NDUFV3: variants seen among roughly 807,000 people sequenced by gnomAD.
NDUFV3 encodes NADH dehydrogenase [ubiquinone] flavoprotein 3, mitochondrial.
NDUFV3 carries 44 observed loss-of-function variants against 37.5 expected under a neutral mutation model. That is an observed-to-expected ratio of 1.17 (90% confidence interval 0.92 to 1.51). The LOEUF (loss-of-function observed/expected upper bound fraction) is 1.51, where lower values mean the gene tolerates loss of function less well. Among genes scored for constraint, NDUFV3 ranks in the 40% most tolerant of loss-of-function variants. The pLI is 0.00. For missense variants in NDUFV3, 580 were observed against 580.4 expected (o/e 1.00, Z 0.01); for synonymous variants, 235 against 239.3 (o/e 0.98, Z 0.17).
intron 2 of NDUFV3, among the ~76,000 whole-genome samples, chr21:42,901,739 A>G (rs1031567374): frequency 1.3e-5 from 2 of 152,148 alleles, no homozygotes; most frequent in Non-Finnish European, 2.9e-5. Context: ...TGCTATCCCC[A>G]TGTCATAGAC....
intron 1 of NDUFV3, among the ~76,000 whole-genome samples, chr21:42,896,258 G>A (rs550081609): frequency 1.4e-5 from 2 of 147,066 alleles, no homozygotes; most frequent in South Asian, 2.1e-4. Flanking sequence ...CTGGGTCCAC[G>A]CCATTCTCCT....
Position 42,903,733 on chromosome 21 carries a change from G to C in NDUFV3, c.721G>C (p.Glu241Gln). Residue 241 changes from glutamate to glutamine, a missense_variant, in exon 3 of 4, where the codon GAA becomes CAA. Transcript: ENST00000354250. ...GSPAKPSEGRENARPKTTMPR... is the reference protein window; with the variant it reads ...GSPAKPSEGRQNARPKTTMPR... ...CCCTGCTAAGCCATCAGAAGGCAGG[G>C]AAAATGCGAGACCAAAAACCACAAT... The C allele has an allele frequency of 1.2e-6, 2 of 1,614,172 alleles. No individual in the cohort carries two copies. The highest frequency in any genetic ancestry group is 1.7e-6 in the Non-Finnish European group (2 of 1,180,038).
chr21:42,906,348 C>T (rs944512661), intron 3 of NDUFV3, among the ~76,000 whole-genome samples: 2 of 152,270 alleles, frequency 1.3e-5, no homozygotes, highest in African/African-American at 4.8e-5. Flanking sequence ...TCTGTACCGC[C>T]GCCCCTTGCC....
rs992103701 is a variant in NDUFV3, at chr21:42,912,349, A to G, written c.*3328A>G. On this transcript the variant is annotated 3_prime_UTR_variant, in exon 4 of 4. Coordinates refer to ENST00000354250, the MANE Select transcript of NDUFV3 (RefSeq NM_021075.4). ...AAGGGCTTAAAACCGAATAGCCAGC[A>G]CCAAGCACAGCTCTGCATTTTGTAG... The G allele has an allele frequency of 6.6e-6, 1 of 152,256 alleles. No homozygotes were observed. The highest frequency in any genetic ancestry group is 1.5e-5 in the Non-Finnish European group (1 of 68,072). 9.4% of individuals were successfully genotyped at this position (152,256 alleles called of 1,614,324 possible).
rs941705462 is a variant in NDUFV3 at position 42,893,746 on chromosome 21, G to T, written c.48+365G>T. 1.4e-4 allele frequency among the ~76,000 whole-genome samples: 22 copies of T among 152,236 alleles called. 3 individuals carry two copies. Among genetic ancestry groups the T allele is most frequent in the Admixed American group, 1.4e-3 (21 of 15,286 alleles). ...TGGGGTCAGCCGCTGTGCGGCTCCCGCACGGCTTCTCTGAAGGACAGTGAC... is the reference window on the plus strand; with the variant it reads ...TGGGGTCAGCCGCTGTGCGGCTCCCTCACGGCTTCTCTGAAGGACAGTGAC... On this transcript the variant is annotated intron_variant, in intron 1 of 3. Transcript: ENST00000354250.
At chr21:42,904,516 G>A (rs1350009117) in intron 3 of NDUFV3, among the ~76,000 whole-genome samples, 1 of 138,672 alleles carries the variant, frequency 7.2e-6, no homozygotes, top group Non-Finnish European at 1.5e-5. Flanking sequence ...TTTTGAGATG[G>A]TGTCTTGCTC....
intron 2 of NDUFV3, among the ~76,000 whole-genome samples, 180 bp downstream of exon 2, chr21:42,897,227 C>A (rs577467678): frequency 6.6e-6 from 1 of 152,198 alleles, no homozygotes; most frequent in Non-Finnish European, 1.5e-5. Flanking sequence ...ACATTTCAGT[C>A]ATGTCGTAGT....
At chr21:42,901,854 G>T (rs1229697317) in intron 2 of NDUFV3, among the ~76,000 whole-genome samples, 5 of 152,222 alleles carry the variant, frequency 3.3e-5, no homozygotes, top group African/African-American at 1.2e-4. Flanking sequence ...TGGCAGTGCG[G>T]TTTATATTTT....
At chr21:42,897,438 TTG>T (rs1467276694) in intron 2 of NDUFV3, among the ~76,000 whole-genome samples, 1 of 152,118 alleles carries the variant, frequency 6.6e-6, no homozygotes, top group East Asian at 1.9e-4. Context: ...TTGTTTTGTT[TTG>T]TTTCAGTCTC....
At chr21:42,905,525 T>C (rs2058737383) in intron 3 of NDUFV3, among the ~76,000 whole-genome samples, 1 of 152,204 alleles carries the variant, frequency 6.6e-6, no homozygotes, top group South Asian at 2.1e-4. Context: ...TGTTTGTTTG[T>C]TTGTTTTTGA....
rs144410467 is a variant in NDUFV3, at chr21:42,903,380, A to C, written c.368A>C (p.Glu123Ala). Reference protein sequence around the residue: ...PKFLSRKTLVEFPQKVLSPFR... With the variant: ...PKFLSRKTLVAFPQKVLSPFR... Reference sequence around the variant, plus strand: ...TTTTTGTCAAGAAAGACTTTGGTAGAGTTTCCACAGAAAGTTCTGTCTCCA... The same window carrying C: ...TTTTTGTCAAGAAAGACTTTGGTAGCGTTTCCACAGAAAGTTCTGTCTCCA... Residue 123 changes from glutamate to alanine, a missense_variant, in exon 3 of 4, where the codon GAG (glutamate) becomes GCG (alanine). Coordinates refer to ENST00000354250, the MANE Select transcript of NDUFV3 (RefSeq NM_021075.4). The C allele has an allele frequency of 2.9e-4, 464 of 1,614,130 alleles. No individual in the cohort carries two copies. The highest frequency in any genetic ancestry group is 3.7e-4 in the Non-Finnish European group (436 of 1,180,062).
At chr21:42,897,100 T>C in intron 2 of NDUFV3, 53 bp downstream of exon 2, 2 of 1,600,072 alleles carry the variant, frequency 1.2e-6, no homozygotes, top group Non-Finnish European at 1.7e-6. Context: ...AGAAAATAGA[T>C]TAGTCAGCCT....
rs936263138 is a variant in NDUFV3, at chr21:42,909,298, G to T, written c.*277G>T. On this transcript the variant is annotated 3_prime_UTR_variant, in exon 4 of 4. Transcript: ENST00000354250. ...GTGGGATTACAGGTACTCACCACCA[G>T]GTCCAGCTAACTTTTGTATTTTTAG... The T allele has an allele frequency of 2.6e-6, 1 of 385,154 alleles. No homozygotes were observed. Among genetic ancestry groups the T allele is most frequent in the Non-Finnish European group, 5.0e-6 (1 of 201,502 alleles). 23.9% of individuals were successfully genotyped at this position (385,154 alleles called of 1,614,324 possible).
chr21:42,893,485 C>G (rs2058666938), intron 1 of NDUFV3, 104 bp downstream of exon 1: 2 of 1,331,602 alleles, frequency 1.5e-6, no homozygotes, highest in Non-Finnish European at 2.1e-6. Flanking sequence ...TCCGCGACCT[C>G]TAGCCGTCCT....
Position 42,903,489 on chromosome 21 carries a change from C to CTCTGAT in NDUFV3, c.483_488dup (p.Asp161_Ser162dup). On this transcript the variant is annotated inframe_insertion, in exon 3 of 4. Coordinates refer to ENST00000354250, the MANE Select transcript of NDUFV3 (RefSeq NM_021075.4). ...CTTCGTCTTCATCCTCTTCCAGCTC[C>CTCTGAT]TCTGATTCTGAATCTGATGATGAGG... 1 of 1,614,164 alleles carries CTCTGAT rather than the reference C, an allele frequency of 6.2e-7. No homozygotes were observed. The highest frequency in any genetic ancestry group is 8.5e-7 in the Non-Finnish European group (1 of 1,180,018).
chr21:42,894,510 T>TTATATATTATATATAATATATAATATATA (rs1568854374), intron 1 of NDUFV3, among the ~76,000 whole-genome samples: 2 of 63,872 alleles, frequency 3.1e-5, no homozygotes, highest in Admixed American at 3.9e-4. Context: ...ATAATATATA[T>TTATATATTATATATAATATATAATATATA]TTATATATTA....
chr21:42,899,277 G>GTTTTTTTTTTTTT lies in NDUFV3; in HGVS notation c.169+2239_169+2240insTTTTTTTTTTTTT, dbSNP rs370812043. 2.6e-3 allele frequency among the ~76,000 whole-genome samples: 373 copies of GTTTTTTTTTTTTT among 141,144 alleles called. 5 individuals carry two copies. Among genetic ancestry groups the GTTTTTTTTTTTTT allele is most frequent in the African/African-American group, 9.4e-3 (355 of 37,666 alleles). 92.6% of individuals were successfully genotyped at this position (141,144 alleles called of 152,430 possible). A position where few individuals can be genotyped will look rare whatever the true frequency, so the allele number is the denominator to read the frequency against. On this transcript the variant is annotated intron_variant, in intron 2 of 3. Transcript: ENST00000354250. Reference sequence around the variant, plus strand: ...TCAATACACAGAACAGTTGTATCTTGTTTTTTTTTGAGACAGAGTTTTGCT... The same window carrying GTTTTTTTTTTTTT: ...TCAATACACAGAACAGTTGTATCTTGTTTTTTTTTTTTTTTTTTTTTTGAGACAGAGTTTTGCT...
intron 2 of NDUFV3, among the ~76,000 whole-genome samples, chr21:42,897,964 CCG>C (rs1189951521): frequency 3.9e-5 from 6 of 152,224 alleles, no homozygotes; most frequent in East Asian, 1.9e-4. Flanking sequence ...GCGTGAGCCA[CCG>C]TGCCCAGTCC....
chr21:42,903,915 G>A lies in NDUFV3; in HGVS notation c.903G>A (p.Ala301=), dbSNP rs62000418. 3,303 of 1,611,536 alleles carry A rather than the reference G, an allele frequency of 2.0e-3. 8 individuals carry two copies. The highest frequency in any genetic ancestry group is 2.8e-3 in the South Asian group (258 of 90,900). ...LPVHTKSGLS[A]PPKGSPAPAV... Reference sequence around the variant, plus strand: ...TCCACACAAAATCAGGGTTGTCTGCGCCACCGAAGGGCAGCCCAGCGCCTG... The same window carrying A: ...TCCACACAAAATCAGGGTTGTCTGCACCACCGAAGGGCAGCCCAGCGCCTG... The change falls in exon 3 of 4, where the codon GCG becomes GCA. Residue 301 remains alanine (A), a synonymous_variant. Coordinates refer to ENST00000354250, the MANE Select transcript of NDUFV3 (RefSeq NM_021075.4).
Sources: gnomAD v4.1 joint callset for allele counts (sites outside exome capture counted in the v4.1 genomes callset) on GRCh38, gnomAD v4.1.1 for gene constraint, MANE v1.5 for transcripts, NCBI Gene and HGNC (gene_info 2026-07-23, HGNC 2026-07-21) for gene names.